Variants in LRRC37A2 observed in about 807,000 individuals in gnomAD.
LRRC37A2 encodes the protein leucine-rich repeat-containing protein 37A2.
In LRRC37A2, 9 loss-of-function variants were observed where a neutral mutation model predicts 68.8. That is an observed-to-expected ratio of 0.13 (90% confidence interval 0.08 to 0.23). LRRC37A2 has a LOEUF of 0.23. Ranked by LOEUF, LRRC37A2 falls within the 10% of genes least tolerant of loss-of-function variation. LRRC37A2 has a pLI of 1.00. For missense variants in LRRC37A2, 168 were observed against 950.4 expected, an observed-to-expected ratio of 0.18 and a Z score of 10.82; for synonymous variants, 63 against 367.6, an observed-to-expected ratio of 0.17 and a Z score of 9.48.
the LRRC37A2 span, among the ~76,000 whole-genome samples, chr17:46,837,622 C>A: frequency 1.3e-5 from 2 of 152,138 alleles, no homozygotes; most frequent in Admixed American, 1.3e-4. Flanking sequence ...GGGATGTGAA[C>A]CCAGAGAGTC....
chr17:46,866,921 T>C, the LRRC37A2 span, among the ~76,000 whole-genome samples: 3 of 152,190 alleles, frequency 2.0e-5, no homozygotes, highest in Admixed American at 2.0e-4. Context: ...TCCACCAACC[T>C]GGTCTTCCCC....
the LRRC37A2 span, among the ~76,000 whole-genome samples, chr17:46,688,214 A>G: frequency 6.7e-6 from 1 of 150,292 alleles, no homozygotes; most frequent in African/African-American, 2.5e-5. Context: ...CAAAAACTAT[A>G]AAACTTTATT....
chr17:46,823,089 ATG>A, the LRRC37A2 span, among the ~76,000 whole-genome samples: 1 of 131,350 alleles, frequency 7.6e-6, no homozygotes, highest in Non-Finnish European at 1.6e-5. Context: ...TATAATAAAT[ATG>A]TATTATATAA....
At chr17:46,534,216 T>TA (rs1491226425) in intron 6 of LRRC37A2, among the ~76,000 whole-genome samples, 1 of 148,740 alleles carries the variant, frequency 6.7e-6, no homozygotes, top group Non-Finnish European at 1.5e-5. Flanking sequence ...AATTTTTTTT[T>TA]ATTGATCATT....
chr17:46,976,409 T>C, the LRRC37A2 span, among the ~76,000 whole-genome samples: 28 of 151,684 alleles, frequency 1.8e-4, no homozygotes, highest in East Asian at 5.3e-3. Flanking sequence ...TAGCCAGGCA[T>C]GGTGGCGCGC....
chr17:46,765,063 A>C, the LRRC37A2 span, among the ~76,000 whole-genome samples: 1 of 152,238 alleles, frequency 6.6e-6, no homozygotes, highest in Admixed American at 6.5e-5. Context: ...GAGAGAGCCT[A>C]CTTAATTACG....
the LRRC37A2 span, among the ~76,000 whole-genome samples, chr17:46,740,220 A>G: frequency 3.9e-5 from 6 of 152,280 alleles, no homozygotes; most frequent in East Asian, 1.2e-3. Flanking sequence ...GTAAGGCATT[A>G]TTATTGGATA....
At chr17:46,541,882 C>T (rs1269597877) in intron 8 of LRRC37A2, among the ~76,000 whole-genome samples, 2 of 149,742 alleles carry the variant, frequency 1.3e-5, no homozygotes, top group African/African-American at 2.5e-5. Context: ...GGAGCCAATC[C>T]CCTGCAGACA....
chr17:47,019,434 C>T, the LRRC37A2 span: 1 of 1,610,996 alleles, frequency 6.2e-7, no homozygotes, highest in Non-Finnish European at 8.5e-7. Flanking sequence ...CTCAACTCAG[C>T]CTCCAGACCT....
At chr17:46,500,657 T>C in the LRRC37A2 span, among the ~76,000 whole-genome samples, 1 of 151,098 alleles carries the variant, frequency 6.6e-6, no homozygotes, top group East Asian at 1.9e-4. Context: ...AATGTGATAA[T>C]AGCAAATCCC....
At chr17:46,873,130 ACACG>A in the LRRC37A2 span, among the ~76,000 whole-genome samples, 3 of 142,512 alleles carry the variant, frequency 2.1e-5, no homozygotes, top group African/African-American at 7.8e-5. Context: ...ACACACACAC[ACACG>A]AAACAAGGCA....
chr17:46,761,949 C>A, the LRRC37A2 span, among the ~76,000 whole-genome samples: 1 of 152,220 alleles, frequency 6.6e-6, no homozygotes, highest in Non-Finnish European at 1.5e-5. Flanking sequence ...AACCCAACTT[C>A]AAATGACAAT....
intron 8 of LRRC37A2, among the ~76,000 whole-genome samples, 174 bp downstream of exon 7, chr17:46,541,055 T>A (rs1203603439): frequency 7.8e-6 from 1 of 127,482 alleles, no homozygotes; most frequent in Admixed American, 7.8e-5. Flanking sequence ...CACCACCACA[T>A]TCCCAATATA....
At chr17:46,904,181 TG>T in the LRRC37A2 span, among the ~76,000 whole-genome samples, 1 of 138,786 alleles carries the variant, frequency 7.2e-6, no homozygotes, top group Non-Finnish European at 1.5e-5. Flanking sequence ...GATGGGTGGA[TG>T]GGTGGCTGGT....
chr17:46,978,817 A>C, the LRRC37A2 span: 1 of 1,609,370 alleles, frequency 6.2e-7, no homozygotes, highest in Non-Finnish European at 8.5e-7. Flanking sequence ...CACCCGCGAC[A>C]CCCACAGGCT....
At chr17:46,793,303 G>GAAAAA in the LRRC37A2 span, among the ~76,000 whole-genome samples, 3 of 99,646 alleles carry the variant, frequency 3.0e-5, no homozygotes, top group Admixed American at 2.0e-4. Context: ...AAAAAAAAAT[G>GAAAAA]AGGGGAGACA....
intron 6 of LRRC37A2, among the ~76,000 whole-genome samples, chr17:46,530,686 G>GAATT (rs2053566665): frequency 3.0e-5 from 2 of 66,004 alleles, no homozygotes; most frequent in African/African-American, 1.2e-4. Context: ...ACAATTCAGT[G>GAATT]GTGGTTAGTA....
the LRRC37A2 span, chr17:46,886,449 T>G: frequency 6.6e-6 from 1 of 152,210 alleles, no homozygotes; most frequent in African/African-American, 2.4e-5. Flanking sequence ...GAGTCACTCA[T>G]GCTAAATGCA....
the LRRC37A2 span, among the ~76,000 whole-genome samples, chr17:46,916,567 G>T: frequency 6.6e-6 from 1 of 152,210 alleles, no homozygotes; most frequent in African/African-American, 2.4e-5. Flanking sequence ...AGCAAAACTT[G>T]CCATTGGTGT....
Sources: allele counts gnomAD v4.1 joint callset (sites outside exome capture counted in the v4.1 genomes callset), GRCh38; gene constraint gnomAD v4.1.1; transcripts MANE v1.5; gene names NCBI Gene and HGNC (gene_info 2026-07-23, HGNC 2026-07-21).